The following GPC1 variants were observed in gnomAD, a reference collection of about 807,000 sequenced individuals.
The protein encoded by GPC1 is glypican 1, also known as glypican-1.
A neutral mutation model predicts 51.5 loss-of-function variants in GPC1; 26 were observed. That is an observed-to-expected ratio of 0.50 (90% CI 0.37 to 0.70). The LOEUF (loss-of-function observed/expected upper bound fraction) is 0.70. Ranked by LOEUF, GPC1 falls within the 30% of genes least tolerant of loss-of-function variation. The probability of loss-of-function intolerance (pLI) is 0.00; values close to 1 mark genes in which losing one functional copy is unlikely to be tolerated. For missense variants in GPC1, 775 were observed against 800.5 expected, an observed-to-expected ratio of 0.97 and a Z score of 0.38; for synonymous variants, 380 against 348.3, an observed-to-expected ratio of 1.09 and a Z score of -1.01.
intron 1 of GPC1, chr2:240,458,253 A>G (rs2074186846): frequency 1.8e-5 from 6 of 342,774 alleles, no homozygotes; most frequent in Admixed American, 1.7e-4. Context: ...TGTGCACAGC[A>G]GGGCTGAGAG....
chr2:240,442,112 C>T (rs1224955357), intron 1 of GPC1, among the ~76,000 whole-genome samples: 1 of 152,218 alleles, frequency 6.6e-6, no homozygotes, highest in Non-Finnish European at 1.5e-5. Flanking sequence ...TCTGGCACAC[C>T]TGTCCCCTCC....
At chr2:240,455,747 GAGGGGGCTTGCTTTGCCGCCCTGC>G (rs2074153063) in intron 1 of GPC1, among the ~76,000 whole-genome samples, 1 of 152,230 alleles carries the variant, frequency 6.6e-6, no homozygotes, top group South Asian at 2.1e-4. Context: ...ATTCTTCCAG[GAGGGGGCTTGCTTTGCCGCCCTGC>G]AGGGGGACTC....
chr2:240,459,240 G>C, intron 2 of GPC1, 52 bp downstream of exon 2: 1 of 1,544,570 alleles, frequency 6.5e-7, no homozygotes, highest in Non-Finnish European at 8.8e-7. Flanking sequence ...GTGCATCGGG[G>C]GAGGGGCACA....
At chr2:240,462,057 C>T in intron 2 of GPC1, 134 bp from the exon 3 acceptor site, 5 of 861,992 alleles carry the variant, frequency 5.8e-6, no homozygotes, top group Non-Finnish European at 8.6e-6. Context: ...ACAGCCGCTG[C>T]AGTGTGGCGT....
At chr2:240,443,114 G>A (rs2074028656) in intron 1 of GPC1, among the ~76,000 whole-genome samples, 1 of 152,276 alleles carries the variant, frequency 6.6e-6, no homozygotes, top group Non-Finnish European at 1.5e-5. Flanking sequence ...GTACAGCAGT[G>A]GCTGAGGATG....
chr2:240,456,422 G>T (rs2074164616), intron 1 of GPC1, among the ~76,000 whole-genome samples: 1 of 152,160 alleles, frequency 6.6e-6, no homozygotes, highest in African/African-American at 2.4e-5. Context: ...TTGAGCCCTA[G>T]TCCTGAGTCT....
At chr2:240,447,354 C>T (rs1366006879) in intron 1 of GPC1, among the ~76,000 whole-genome samples, 3 of 152,310 alleles carry the variant, frequency 2.0e-5, no homozygotes, top group Admixed American at 6.5e-5. Flanking sequence ...GTGGTTGGGG[C>T]GACATTGACA....
intron 4 of GPC1, 195 bp from the exon 5 acceptor site, chr2:240,464,421 G>A (rs2074242719): frequency 1.6e-6 from 1 of 633,628 alleles, no homozygotes; most frequent in Non-Finnish European, 2.8e-6. Context: ...GCACACGTGG[G>A]TGTGGGCCAA....
intron 3 of GPC1, 123 bp from the exon 4 acceptor site, chr2:240,463,224 G>A (rs1169091330): frequency 2.6e-6 from 2 of 769,404 alleles, no homozygotes; most frequent in Non-Finnish European, 4.3e-6. Flanking sequence ...ACGAGCTGGG[G>A]CAGAGCAGAG....
intron 1 of GPC1, among the ~76,000 whole-genome samples, chr2:240,442,781 A>T (rs1212889683): frequency 2.0e-5 from 3 of 152,028 alleles, no homozygotes; most frequent in African/African-American, 7.2e-5. Flanking sequence ...GGTGGCAAAG[A>T]CCCCGAGGCT....
Position 240,459,080 on chromosome 2 carries a change from A to C in GPC1, c.217A>C (p.Met73Leu), listed in dbSNP as rs2074194692. Residue 73 changes from methionine to leucine, a missense_variant, in exon 2 of 9, where the codon ATG (methionine) becomes CTG (leucine). Physicochemically the swap from Met to Leu is conservative, Grantham distance 15. Coordinates refer to ENST00000264039, the MANE Select transcript of GPC1 (RefSeq NM_002081.3). ...PQGYTCCTSE[M>L]EENLANRSHA... ...GGGCTACACCTGCTGCACCAGCGAGATGGAGGAGAACCTGGCCAACCGCAG... is the reference window on the plus strand; with the variant it reads ...GGGCTACACCTGCTGCACCAGCGAGCTGGAGGAGAACCTGGCCAACCGCAG... The C allele has an allele frequency of 6.2e-7, 1 of 1,612,720 alleles. No homozygotes were observed.
At chr2:240,465,780 G>A (rs1260857683) in intron 8 of GPC1, 132 bp downstream of exon 8, 54 of 774,420 alleles carry the variant, frequency 7.0e-5, no homozygotes, top group Admixed American at 3.9e-4. Flanking sequence ...GTCTGAGGAC[G>A]CTGTGCTGCC....
rs762576873 is a variant in GPC1 at position 240,462,597 on chromosome 2, C to A, written c.717+15C>A. 1 of 1,506,274 alleles carries A rather than the reference C, an allele frequency of 6.6e-7. No homozygotes were observed. The highest frequency in any genetic ancestry group is 8.8e-7 in the Non-Finnish European group (1 of 1,132,788). The allele number at this position is 1,506,274 out of a possible 1,614,324, so 93.3% of individuals were successfully genotyped here. On this transcript the variant is annotated intron_variant, in intron 3 of 8. Transcript: ENST00000264039. Reference sequence around the variant, plus strand: ...AAGTGGCTCAGGTGCGCACAGCCACCCAGGGCTCTCAGAAACCCCTCCAGA... The same window carrying A: ...AAGTGGCTCAGGTGCGCACAGCCACACAGGGCTCTCAGAAACCCCTCCAGA...
chr2:240,465,316 C>G, intron 7 of GPC1, 106 bp downstream of exon 7: 1 of 1,387,620 alleles, frequency 7.2e-7, no homozygotes, highest in Non-Finnish European at 9.8e-7. Flanking sequence ...TGCTGGAGGG[C>G]TTGAGCCCCA....
At chr2:240,452,285 T>G (rs2074105887) in intron 1 of GPC1, 1 of 152,322 alleles carries the variant, frequency 6.6e-6, no homozygotes, top group African/African-American at 2.4e-5. Context: ...CCTGTTGGGT[T>G]TGGTATGTCA....
chr2:240,459,951 G>A (rs751062387), intron 2 of GPC1, among the ~76,000 whole-genome samples: 4 of 152,114 alleles, frequency 2.6e-5, no homozygotes, highest in African/African-American at 9.7e-5. Context: ...CCAGGGCGCC[G>A]GGACAGTGAG....
chr2:240,462,289 C>T lies in GPC1; in HGVS notation c.424C>T (p.Arg142Trp), dbSNP rs567614307. The stretch of plus-strand genomic sequence containing the variant: ...GTACACGCAGAACGCGAGGGCCTTC[C>T]GGGACCTGTACTCAGAGCTGCGCCT... ...ELYTQNARAF[R>W]DLYSELRLYY... is the part of the protein sequence containing the mutation. Residue 142 changes from arginine to tryptophan, a missense_variant, in exon 3 of 9, where the codon CGG becomes TGG. Coordinates refer to ENST00000264039, the MANE Select transcript of GPC1 (RefSeq NM_002081.3). 2.4e-5 allele frequency: 39 copies of T among 1,608,940 alleles called. No homozygotes were observed. The highest frequency in any genetic ancestry group is 1.0e-4 in the South Asian group (9 of 90,330).
chr2:240,459,139 C>T lies in GPC1; in HGVS notation c.276C>T (p.Ser92=), dbSNP rs374959028. 5.5e-5 allele frequency: 89 copies of T among 1,612,600 alleles called. No individual in the cohort carries two copies. In the South Asian group the frequency reaches 9.6e-4, roughly 17 times the overall value. ...AGCTGGAGACCGCGCTCCGGGACAGCAGCCGCGTCCTGCAGGCCATGCTTG... is the reference window on the plus strand; with the variant it reads ...AGCTGGAGACCGCGCTCCGGGACAGTAGCCGCGTCCTGCAGGCCATGCTTG... ...HAELETALRD[S]SRVLQAMLAT... Residue 92 remains serine, a synonymous_variant, in exon 2 of 9, where the codon AGC becomes AGT. Transcript: ENST00000264039.
chr2:240,462,583 G>T lies in GPC1; in HGVS notation c.717+1G>T. The stretch of plus-strand genomic sequence containing the variant: ...CGACGTGGTCCGGAAAGTGGCTCAG[G>T]TGCGCACAGCCACCCAGGGCTCTCA... On this transcript the variant is annotated splice_donor_variant, in intron 3 of 8. Coordinates refer to ENST00000264039, the MANE Select transcript of GPC1 (RefSeq NM_002081.3). LOFTEE classifies it high-confidence loss of function. The T allele has an allele frequency of 1.3e-6, 2 of 1,516,510 alleles. No homozygotes were observed. Among genetic ancestry groups the T allele is most frequent in the Non-Finnish European group, 1.8e-6 (2 of 1,136,846 alleles). 93.9% of individuals were successfully genotyped at this position (1,516,510 alleles called of 1,614,324 possible).
Sources: allele counts gnomAD v4.1 joint callset (sites outside exome capture counted in the v4.1 genomes callset), GRCh38; gene constraint gnomAD v4.1.1; transcripts MANE v1.5; gene names NCBI Gene and HGNC (gene_info 2026-07-23, HGNC 2026-07-21).